NR1I2: variants seen among roughly 807,000 people sequenced by gnomAD.
NR1I2 encodes the protein orphan nuclear receptor PAR1.
NR1I2 carries 42 observed loss-of-function variants against 43.3 expected under a neutral mutation model. The ratio of observed to expected loss-of-function variants is 0.97; its 90% confidence interval spans 0.76 to 1.26. NR1I2 has a LOEUF of 1.26. Ranked by LOEUF, NR1I2 falls within the 50% of genes most tolerant of loss-of-function variation. NR1I2 has a pLI of 0.00. For synonymous variants in NR1I2, 229 were observed against 215.0 expected (o/e 1.06, Z -0.57); for missense variants, 559 against 566.7 (o/e 0.99, Z 0.14).
chr3:119,817,550 C>A lies in NR1I2; in HGVS notation c.*338C>A. 8.3e-7 allele frequency: 1 copy of A among 1,210,688 alleles called. No individual in the cohort carries two copies. Among genetic ancestry groups the A allele is most frequent in the South Asian group, 1.7e-5 (1 of 60,536 alleles). 75.0% of individuals were successfully genotyped at this position (1,210,688 alleles called of 1,614,324 possible). On this transcript the variant is annotated 3_prime_UTR_variant, in exon 9 of 9. Transcript: ENST00000393716. ...AATCCCTCAGATCCCACTAAAGTGT[C>A]AAGGTGTGGAAGGGACCAAGCGACC...
At chr3:119,792,295 C>T in intron 1 of NR1I2, 1 of 1,473,236 alleles carries the variant, frequency 6.8e-7, no homozygotes, top group Admixed American at 1.8e-5. Flanking sequence ...GAGCGAGCAG[C>T]CACCTTTGGG....
rs767864909 is a variant in NR1I2, at chr3:119,803,055, G to A, written c.-22-4174G>A. 1.2e-3 allele frequency: 520 copies of A among 430,644 alleles called. 1 individual carries two copies. Among genetic ancestry groups the A allele is most frequent in the Non-Finnish European group, 2.1e-3 (449 of 214,030 alleles). 26.7% of individuals were successfully genotyped at this position (430,644 alleles called of 1,614,324 possible). Reference sequence around the variant, plus strand: ...CCTCATGAATGAGACCCCAGAGGCCGGGTGTGGTGGCTCATGCCTGTAATC... The same window carrying A: ...CCTCATGAATGAGACCCCAGAGGCCAGGTGTGGTGGCTCATGCCTGTAATC... On this transcript the variant is annotated intron_variant, in intron 1 of 8. Transcript: ENST00000393716.
intron 1 of NR1I2, among the ~76,000 whole-genome samples, chr3:119,795,191 C>G (rs978366554): frequency 6.6e-6 from 1 of 152,150 alleles, no homozygotes; most frequent in African/African-American, 2.4e-5. Context: ...GTGTCCCAGA[C>G]AGCGACTCTC....
At chr3:119,809,445 G>A (rs2055205339) in intron 2 of NR1I2, among the ~76,000 whole-genome samples, 1 of 151,882 alleles carries the variant, frequency 6.6e-6, no homozygotes, top group South Asian at 2.1e-4. Context: ...ACTCTGCCAT[G>A]GGGAAGTCGC....
chr3:119,817,383 A>T lies in NR1I2; in HGVS notation c.*171A>T. 6.7e-7 allele frequency: 1 copy of T among 1,489,442 alleles called. No individual in the cohort carries two copies. Among genetic ancestry groups the T allele is most frequent in the South Asian group, 1.3e-5 (1 of 76,908 alleles). 92.3% of individuals were successfully genotyped at this position (1,489,442 alleles called of 1,614,324 possible). A position where few individuals can be genotyped will look rare whatever the true frequency, so the allele number is the denominator to read the frequency against. ...CTGGCTAGCATTCCTCAGGAAGGAC[A>T]TGGGTGCCCCCCACCCCCAGTTCAG... On this transcript the variant is annotated 3_prime_UTR_variant, in exon 9 of 9. Transcript: ENST00000393716.
chr3:119,783,476 A>G (rs913992916), intron 1 of NR1I2, among the ~76,000 whole-genome samples: 2 of 152,174 alleles, frequency 1.3e-5, no homozygotes, highest in Admixed American at 1.3e-4. Flanking sequence ...AAGAGACAGT[A>G]TGGCCCACAA....
At chr3:119,798,515 A>T (rs527534780) in intron 1 of NR1I2, among the ~76,000 whole-genome samples, 38 of 152,072 alleles carry the variant, frequency 2.5e-4, no homozygotes, top group Non-Finnish European at 4.7e-4. Flanking sequence ...GGACATTTCT[A>T]TGCTCCAAAA....
chr3:119,814,775 G>A (rs976080782), intron 5 of NR1I2, among the ~76,000 whole-genome samples: 1 of 152,178 alleles, frequency 6.6e-6, no homozygotes, highest in Admixed American at 6.5e-5. Flanking sequence ...GGGGAGGAGA[G>A]GATGCTGCGG....
intron 1 of NR1I2, among the ~76,000 whole-genome samples, chr3:119,784,260 G>T (rs1262519638): frequency 6.6e-6 from 1 of 152,132 alleles, no homozygotes; most frequent in Non-Finnish European, 1.5e-5. Flanking sequence ...CATTGAATTA[G>T]TGCAAATGAC....
chr3:119,787,896 G>A (rs1414479248), intron 1 of NR1I2, among the ~76,000 whole-genome samples: 1 of 151,860 alleles, frequency 6.6e-6, no homozygotes, highest in African/African-American at 2.4e-5. Context: ...CAAAGATTAT[G>A]ATTTTTGTTT....
At chr3:119,786,366 G>A (rs1428838281) in intron 1 of NR1I2, among the ~76,000 whole-genome samples, 5 of 152,012 alleles carry the variant, frequency 3.3e-5, no homozygotes, top group Admixed American at 2.0e-4. Flanking sequence ...TTTGAAGGGG[G>A]CTGGGAAAAG....
chr3:119,792,308 C>A, intron 1 of NR1I2: 1 of 1,451,706 alleles, frequency 6.9e-7, no homozygotes, highest in Non-Finnish European at 9.6e-7. Context: ...CCTTTGGGCT[C>A]ATCCTGGATG....
rs368602514 is a variant in NR1I2 at position 119,810,137 on chromosome 3, C to A, written c.274C>A (p.Arg92=). Residue 92 remains arginine, a synonymous_variant, in exon 3 of 9, where the codon CGA becomes AGA. Transcript: ENST00000393716. ...CTGCGAGATCACCCGGAAGACCCGG[C>A]GACAGTGCCAGGCCTGCCGCCTGCG... is the stretch of plus-strand genomic sequence containing the variant. 164 of 1,613,234 alleles carry A rather than the reference C, an allele frequency of 1.0e-4. No homozygotes were observed. Among genetic ancestry groups the A allele is most frequent in the Non-Finnish European group, 1.3e-4 (159 of 1,179,870 alleles).
At chr3:119,810,348 G>C in intron 3 of NR1I2, 154 bp downstream of exon 3, 1 of 1,198,786 alleles carries the variant, frequency 8.3e-7, no homozygotes. Context: ...GCAACAGGCA[G>C]CCACCTGGGG....
At chr3:119,806,044 G>A (rs2055155147) in intron 1 of NR1I2, among the ~76,000 whole-genome samples, 1 of 152,150 alleles carries the variant, frequency 6.6e-6, no homozygotes, top group Non-Finnish European at 1.5e-5. Context: ...CATGATGTTG[G>A]AAACAGAAAT....
intron 8 of NR1I2, among the ~76,000 whole-genome samples, chr3:119,816,413 C>T (rs537808444): frequency 1.5e-4 from 23 of 152,286 alleles, no homozygotes; most frequent in South Asian, 4.1e-4. Flanking sequence ...ACCTCCACAA[C>T]GACTCTGCTC....
In NR1I2 at chr3:119,810,043, C is replaced by T; in HGVS notation, c.198-18C>T. The T allele has an allele frequency of 6.2e-7, 1 of 1,613,652 alleles. No homozygotes were observed. Among genetic ancestry groups the T allele is most frequent in the South Asian group, 1.1e-5 (1 of 91,086 alleles). ...GGGCACCCGTGCATCCCCCCTTCTG[C>T]TCCCCATTCTCTCACAGGAGGGCCA... On this transcript the variant is annotated intron_variant, in intron 2 of 8. Transcript: ENST00000393716.
chr3:119,808,949 G>A (rs573058689), intron 2 of NR1I2, among the ~76,000 whole-genome samples: 1 of 152,324 alleles, frequency 6.6e-6, no homozygotes, highest in East Asian at 1.9e-4. Context: ...CAGGCCAGTT[G>A]GGAAGGCAAA....
At chr3:119,812,664 C>T (rs761699608) in intron 4 of NR1I2, 22 bp from the exon 5 acceptor site, 1 of 1,613,124 alleles carries the variant, frequency 6.2e-7, no homozygotes, top group African/African-American at 1.3e-5. Flanking sequence ...CTCCTCTGTC[C>T]ACCTCCTGGC....
Sources: allele counts gnomAD v4.1 joint callset (sites outside exome capture counted in the v4.1 genomes callset), GRCh38; gene constraint gnomAD v4.1.1; transcripts MANE v1.5; gene names NCBI Gene and HGNC (gene_info 2026-07-23, HGNC 2026-07-21).